TTC27: variants seen among roughly 807,000 people sequenced by gnomAD.
The protein encoded by TTC27 is tetratricopeptide repeat protein 27.
In TTC27, 79 loss-of-function variants were observed where a neutral mutation model predicts 115.9. The observed-to-expected ratio is 0.68, with a 90% CI of 0.57 to 0.82. The LOEUF is 0.82. Among genes scored for constraint, TTC27 ranks in the 40% least tolerant of loss-of-function variants. The pLI is 0.00. For synonymous variants in TTC27, 401 were observed against 356.0 expected, an observed-to-expected ratio of 1.13 and a Z score of -1.42; for missense variants, 1,054 against 993.1, an observed-to-expected ratio of 1.06 and a Z score of -0.82.
chr2:32,775,351 C>G (rs1437348783), intron 13 of TTC27, among the ~76,000 whole-genome samples: 1 of 152,118 alleles, frequency 6.6e-6, no homozygotes, highest in Non-Finnish European at 1.5e-5. Flanking sequence ...GCGCCCACCA[C>G]CACGCCCGGC....
chr2:32,769,412 T>A (rs17498401), intron 13 of TTC27, among the ~76,000 whole-genome samples: 51,444 of 152,022 alleles, frequency 0.34, 9,551 homozygotes, highest in Non-Finnish European at 0.41. Context: ...GATGAAGAAA[T>A]GGAGATAGAA....
chr2:32,813,238 T>G (rs1167719997), intron 18 of TTC27, among the ~76,000 whole-genome samples: 1 of 152,186 alleles, frequency 6.6e-6, no homozygotes, highest in Non-Finnish European at 1.5e-5. Context: ...GCAGTTCCAA[T>G]AAAATAATGA....
At chr2:32,715,767 A>AT (rs957031379) in intron 10 of TTC27, among the ~76,000 whole-genome samples, 9 of 151,884 alleles carry the variant, frequency 5.9e-5, no homozygotes, top group Admixed American at 4.6e-4. Context: ...GAAACCCTTG[A>AT]TTGGAGGAAT....
At chr2:32,695,138 T>A (rs1666941103) in intron 9 of TTC27, among the ~76,000 whole-genome samples, 1 of 152,192 alleles carries the variant, frequency 6.6e-6, no homozygotes, top group Admixed American at 6.5e-5. Flanking sequence ...ATTATCAATA[T>A]GCAGAACTTT....
intron 9 of TTC27, among the ~76,000 whole-genome samples, chr2:32,689,903 A>G (rs1174414079): frequency 2.0e-5 from 3 of 152,186 alleles, no homozygotes; most frequent in Non-Finnish European, 2.9e-5. Flanking sequence ...AAAATAGGTA[A>G]TTAGTAGAAT....
At chr2:32,720,039 T>C (rs1365634581) in intron 10 of TTC27, among the ~76,000 whole-genome samples, 1 of 152,192 alleles carries the variant, frequency 6.6e-6, no homozygotes, top group African/African-American at 2.4e-5. Context: ...TTATGTTACT[T>C]CAGGATCTTC....
intron 9 of TTC27, among the ~76,000 whole-genome samples, chr2:32,684,311 A>G (rs1419633528): frequency 6.6e-6 from 1 of 151,954 alleles, no homozygotes; most frequent in African/African-American, 2.4e-5. Flanking sequence ...CATTTTCTTA[A>G]TCCAGTCTAT....
chr2:32,731,947 A>G (rs1467643955), intron 10 of TTC27, among the ~76,000 whole-genome samples: 1 of 151,978 alleles, frequency 6.6e-6, no homozygotes, highest in African/African-American at 2.4e-5. Context: ...GCCAACAACC[A>G]TGAGTTTTTT....
chr2:32,689,316 A>G (rs1666737897), intron 9 of TTC27, among the ~76,000 whole-genome samples: 1 of 152,168 alleles, frequency 6.6e-6, no homozygotes, highest in South Asian at 2.1e-4. Flanking sequence ...CATCTGTCAT[A>G]TACTTCACTA....
chr2:32,669,804 T>A (rs1433307756), intron 7 of TTC27, among the ~76,000 whole-genome samples: 1 of 145,960 alleles, frequency 6.9e-6, no homozygotes, highest in Non-Finnish European at 1.5e-5. Context: ...GAGAATCGCC[T>A]GAACCCAGGA....
chr2:32,744,869 G>A (rs1240328891), intron 12 of TTC27, among the ~76,000 whole-genome samples: 1 of 151,890 alleles, frequency 6.6e-6, no homozygotes, highest in Non-Finnish European at 1.5e-5. Flanking sequence ...CCAGCCTGGT[G>A]AAACCCCATC....
At chr2:32,807,928 CTTTTTTTTTTT>C (rs70938367) in intron 16 of TTC27, among the ~76,000 whole-genome samples, 2 of 109,656 alleles carry the variant, frequency 1.8e-5, no homozygotes, top group African/African-American at 3.6e-5. Context: ...TACTTGCCCT[CTTTTTTTTTTT>C]TTTTTTTTTT....
intron 16 of TTC27, among the ~76,000 whole-genome samples, chr2:32,799,975 A>G (rs535805491): frequency 5.3e-5 from 8 of 152,222 alleles, no homozygotes; most frequent in Non-Finnish European, 1.2e-4. Context: ...GGAGTTAGGC[A>G]GCCCATTTCT....
At chr2:32,706,864 C>T (rs1265529532) in intron 10 of TTC27, among the ~76,000 whole-genome samples, 1 of 152,174 alleles carries the variant, frequency 6.6e-6, no homozygotes, top group Non-Finnish European at 1.5e-5. Flanking sequence ...CGCCTGGCCC[C>T]CTTCTTTATT....
chr2:32,788,802 C>G (rs1337739604), intron 16 of TTC27, among the ~76,000 whole-genome samples: 1 of 152,146 alleles, frequency 6.6e-6, no homozygotes, highest in Non-Finnish European at 1.5e-5. Context: ...CTCTCTCATC[C>G]AGTAAGAGAC....
intron 10 of TTC27, among the ~76,000 whole-genome samples, chr2:32,726,151 C>A (rs575746640): frequency 6.6e-6 from 1 of 152,212 alleles, no homozygotes; most frequent in African/African-American, 2.4e-5. Context: ...AGACCCCTTT[C>A]GCCCTGGAGA....
Position 32,661,695 on chromosome 2 carries a change from C to G in TTC27, c.641-2608C>G, listed in dbSNP as rs182473512. On this transcript the variant is annotated intron_variant, in intron 5 of 19. Transcript: ENST00000317907. ...GAGACGATGGGGTTTTCTAAATATACGATAATGTCATGTGCAAACAGAGAC... is the reference window on the plus strand; with the variant it reads ...GAGACGATGGGGTTTTCTAAATATAGGATAATGTCATGTGCAAACAGAGAC... 3.7e-4 allele frequency among the ~76,000 whole-genome samples: 56 copies of G among 152,224 alleles called. No homozygotes were observed. The East Asian group carries it at 6.2e-3, about 17-fold the overall frequency.
At chr2:32,657,288 A>T (rs978874944) in intron 5 of TTC27, among the ~76,000 whole-genome samples, 4 of 151,430 alleles carry the variant, frequency 2.6e-5, no homozygotes, top group African/African-American at 9.7e-5. Context: ...AGACATGTAC[A>T]TCTTGACTTA....
Position 32,671,158 on chromosome 2 carries a change from C to G in TTC27, c.940-1114C>G, listed in dbSNP as rs1255161903. On this transcript the variant is annotated intron_variant, in intron 7 of 19. Transcript: ENST00000317907. ...TTGTATCCTAATTAAGGACTGACTGCCTTTCCATCTCAGGGTTACAAAGTT... is the reference window on the plus strand; with the variant it reads ...TTGTATCCTAATTAAGGACTGACTGGCTTTCCATCTCAGGGTTACAAAGTT... 2.0e-5 allele frequency among the ~76,000 whole-genome samples: 3 copies of G among 151,842 alleles called. No homozygotes were observed. The East Asian group carries it at 5.8e-4, about 29-fold the overall frequency.
Sources: gnomAD v4.1 joint callset for allele counts (sites outside exome capture counted in the v4.1 genomes callset) on GRCh38, gnomAD v4.1.1 for gene constraint, MANE v1.5 for transcripts, NCBI Gene and HGNC (gene_info 2026-07-23, HGNC 2026-07-21) for gene names.